Variants in TMEM132C observed in about 807,000 individuals in gnomAD.
TMEM132C encodes the protein transmembrane protein 132C.
Under a neutral mutation model 61.4 loss-of-function variants are expected in TMEM132C, and 29 were observed. That is an observed-to-expected ratio of 0.47 (90% CI 0.35 to 0.64). The LOEUF (loss-of-function observed/expected upper bound fraction) is 0.64. TMEM132C is among the 30% of genes least tolerant of loss of function. TMEM132C has a pLI of 0.00. For synonymous variants in TMEM132C, 656 were observed against 633.1 expected (o/e 1.04, Z -0.54); for missense variants, 1,408 against 1,476.9 (o/e 0.95, Z 0.76).
chr12:128,700,527 A>G (rs908925355), intron 8 of TMEM132C, among the ~76,000 whole-genome samples: 1 of 152,176 alleles, frequency 6.6e-6, no homozygotes, highest in African/African-American at 2.4e-5. Context: ...AAATTATTCA[A>G]GAGGAAATGT....
chr12:128,671,099 A>C (rs1007791944), intron 5 of TMEM132C, among the ~76,000 whole-genome samples: 1 of 152,188 alleles, frequency 6.6e-6, no homozygotes, highest in African/African-American at 2.4e-5. Flanking sequence ...GTCACTGCCT[A>C]TTTTGTAAAT....
intron 1 of TMEM132C, among the ~76,000 whole-genome samples, chr12:128,407,553 G>A (rs1875388195): frequency 6.6e-6 from 1 of 152,112 alleles, no homozygotes; most frequent in Admixed American, 6.5e-5. Flanking sequence ...ACTTGTTTGG[G>A]GCTGGGCATG....
chr12:128,703,179 G>A (rs1446533720), intron 8 of TMEM132C, among the ~76,000 whole-genome samples: 1 of 152,052 alleles, frequency 6.6e-6, no homozygotes, highest in African/African-American at 2.4e-5. Context: ...AGGGGTACCT[G>A]TGCAGGTTTG....
At chr12:128,529,249 C>T (rs1458964961) in intron 2 of TMEM132C, among the ~76,000 whole-genome samples, 2 of 150,206 alleles carry the variant, frequency 1.3e-5, no homozygotes, top group East Asian at 3.9e-4. Flanking sequence ...GTAACAAACA[C>T]AGAGTACCCC....
At chr12:128,553,667 G>C (rs1180973185) in intron 3 of TMEM132C, among the ~76,000 whole-genome samples, 1 of 152,184 alleles carries the variant, frequency 6.6e-6, no homozygotes, top group South Asian at 2.1e-4. Context: ...ACATTTCCAC[G>C]ACAATATGGC....
chr12:128,514,027 G>A (rs1230098389), intron 2 of TMEM132C, among the ~76,000 whole-genome samples: 1 of 152,190 alleles, frequency 6.6e-6, no homozygotes, highest in African/African-American at 2.4e-5. Context: ...AGGCTCCAAT[G>A]CTTGCCAGGC....
chr12:128,620,455 T>G (rs1452352686), intron 4 of TMEM132C, among the ~76,000 whole-genome samples: 1 of 151,988 alleles, frequency 6.6e-6, no homozygotes, highest in East Asian at 1.9e-4. Flanking sequence ...GTCACACAAA[T>G]CAAGGAGGAG....
At chr12:128,448,350 G>T (rs1870061700) in intron 2 of TMEM132C, among the ~76,000 whole-genome samples, 1 of 152,178 alleles carries the variant, frequency 6.6e-6, no homozygotes, top group Non-Finnish European at 1.5e-5. Context: ...GTGCTCCGCT[G>T]GGCAGGTCTT....
At chr12:128,351,487 T>A (rs1402471094) in intron 1 of TMEM132C, among the ~76,000 whole-genome samples, 1 of 152,202 alleles carries the variant, frequency 6.6e-6, no homozygotes, top group African/African-American at 2.4e-5. Flanking sequence ...TTTGTATTGC[T>A]ATAAAGAAGT....
intron 4 of TMEM132C, 74 bp downstream of exon 4, chr12:128,616,409 T>C (rs1042906735): frequency 6.5e-6 from 9 of 1,390,754 alleles, no homozygotes; most frequent in African/African-American, 4.4e-5. Context: ...CTATCTGTCA[T>C]GGGATGTTTG....
At chr12:128,603,367 C>T (rs892958131) in intron 3 of TMEM132C, among the ~76,000 whole-genome samples, 2 of 152,166 alleles carry the variant, frequency 1.3e-5, no homozygotes, top group Non-Finnish European at 2.9e-5. Flanking sequence ...TAATAACTTA[C>T]CACAGGGTCT....
chr12:128,482,295 G>A lies in TMEM132C; in HGVS notation c.975-61662G>A, dbSNP rs1461706896. 2.6e-5 allele frequency among the ~76,000 whole-genome samples: 4 copies of A among 152,310 alleles called. No individual in the cohort carries two copies. In the East Asian group the frequency reaches 5.8e-4, roughly 22 times the overall value. ...TCGATGTGCTCACCTGAGTGAGGAC[G>A]AAAGCACTGGGGAATTCTAAGTAGG... On this transcript the variant is annotated intron_variant, in intron 2 of 8. Coordinates refer to ENST00000435159, the MANE Select transcript of TMEM132C (RefSeq NM_001136103.3).
chr12:128,294,296 G>A (rs879466900), intron 1 of TMEM132C: 2 of 152,530 alleles, frequency 1.3e-5, no homozygotes, highest in Non-Finnish European at 2.9e-5. Context: ...TGGGGCTTTT[G>A]AATGAGACTG....
chr12:128,559,974 A>T (rs1874456707), intron 3 of TMEM132C, among the ~76,000 whole-genome samples: 1 of 152,224 alleles, frequency 6.6e-6, no homozygotes, highest in Non-Finnish European at 1.5e-5. Context: ...CAGGCTGGGC[A>T]TGGTGGCTCA....
chr12:128,559,669 A>C (rs974482134), intron 3 of TMEM132C, among the ~76,000 whole-genome samples: 2 of 152,162 alleles, frequency 1.3e-5, no homozygotes, highest in African/African-American at 4.8e-5. Context: ...ATTACCACTC[A>C]CCGTGGAAAT....
At chr12:128,584,680 T>G (rs919420751) in intron 3 of TMEM132C, among the ~76,000 whole-genome samples, 1 of 152,220 alleles carries the variant, frequency 6.6e-6, no homozygotes, top group African/African-American at 2.4e-5. Context: ...CTCACACTGA[T>G]CCATGTGGCA....
At chr12:128,522,235 G>A (rs1872929788) in intron 2 of TMEM132C, among the ~76,000 whole-genome samples, 1 of 152,196 alleles carries the variant, frequency 6.6e-6, no homozygotes, top group Non-Finnish European at 1.5e-5. Flanking sequence ...CATCAAGCAG[G>A]AAGCTGCTGC....
At chr12:128,688,803 A>T (rs951505571) in intron 5 of TMEM132C, among the ~76,000 whole-genome samples, 4 of 152,096 alleles carry the variant, frequency 2.6e-5, no homozygotes, top group Non-Finnish European at 4.4e-5. Context: ...AAACTGTTTT[A>T]AAAAAATTGG....
At chr12:128,601,734 C>T (rs945392204) in intron 3 of TMEM132C, among the ~76,000 whole-genome samples, 2 of 148,328 alleles carry the variant, frequency 1.3e-5, no homozygotes, top group East Asian at 1.9e-4. Flanking sequence ...AGTGCAGTGG[C>T]GGTGGAGGGA....
Sources: allele counts gnomAD v4.1 joint callset (sites outside exome capture counted in the v4.1 genomes callset), GRCh38; gene constraint gnomAD v4.1.1; transcripts MANE v1.5; gene names NCBI Gene and HGNC (gene_info 2026-07-23, HGNC 2026-07-21).